C3orf20: variants seen among roughly 807,000 people sequenced by gnomAD.
C3orf20 encodes family with sequence similarity 149 member C, also known as uncharacterized protein C3orf20.
C3orf20 carries 76 observed loss-of-function variants against 88.3 expected under a neutral mutation model. The ratio of observed to expected loss-of-function variants is 0.86; its 90% CI spans 0.72 to 1.04. The LOEUF is 1.04. C3orf20 is among the 50% of genes least tolerant of loss of function. The pLI is 0.00. For missense variants in C3orf20, 1,056 were observed against 1,123.3 expected, an observed-to-expected ratio of 0.94 and a Z score of 0.86; for synonymous variants, 436 against 437.4, an observed-to-expected ratio of 1.00 and a Z score of 0.04.
At chr3:14,766,583 G>A (rs949613220) in intron 15 of C3orf20, among the ~76,000 whole-genome samples, 1 of 152,202 alleles carries the variant, frequency 6.6e-6, no homozygotes. Context: ...GGGGAGGGGG[G>A]TCACACACTA....
intron 9 of C3orf20, among the ~76,000 whole-genome samples, chr3:14,715,799 T>C (rs922904486): frequency 1.3e-5 from 2 of 152,196 alleles, no homozygotes; most frequent in Non-Finnish European, 2.9e-5. Context: ...TCTATATTGG[T>C]CTCCTCCGTT....
chr3:14,684,319 G>C lies in C3orf20; in HGVS notation c.562G>C (p.Ala188Pro), dbSNP rs199529759. Residue 188 changes from alanine (A) to proline (P), a missense_variant, in exon 4 of 17, where the codon GCC becomes CCC. Physicochemically the swap from Ala to Pro is conservative, Grantham distance 27. Coordinates refer to ENST00000253697, the MANE Select transcript of C3orf20 (RefSeq NM_032137.5). ...QLLHLNAKEM[A>P]FNCLISTAGR... ...CCTCCACCTCAATGCCAAGGAGATGGCCTTCAACTGCCTGATCAGCACAGC... is the reference window on the plus strand; with the variant it reads ...CCTCCACCTCAATGCCAAGGAGATGCCCTTCAACTGCCTGATCAGCACAGC... 67 of 1,614,202 alleles carry C rather than the reference G, an allele frequency of 4.2e-5. 1 individual carries two copies. In the East Asian group the frequency reaches 1.4e-3, roughly 33 times the overall value.
At chr3:14,728,747 AG>A (rs1225022028) in intron 12 of C3orf20, 59 bp downstream of exon 12, 1 of 1,570,750 alleles carries the variant, frequency 6.4e-7, no homozygotes, top group East Asian at 2.3e-5. Context: ...CAGTGGGCAC[AG>A]GATAGTGAAC....
At position 14,682,800 on chromosome 3, in the gene C3orf20, C is replaced by T; in HGVS notation, c.87C>T (p.Leu29=). ...PKLLARISKL[L]MICQNAGISV... is the part of the protein sequence containing the mutation. Reference sequence around the variant, plus strand: ...TACTGGCCCGCATCTCCAAACTCCTCATGATCTGCCAGAATGCAGGCATTT... The same window carrying T: ...TACTGGCCCGCATCTCCAAACTCCTTATGATCTGCCAGAATGCAGGCATTT... Residue 29 remains leucine, a synonymous_variant, in exon 3 of 17, where the codon CTC becomes CTT. Coordinates refer to ENST00000253697, the MANE Select transcript of C3orf20 (RefSeq NM_032137.5). 2 of 1,614,170 alleles carry T rather than the reference C, an allele frequency of 1.2e-6. No individual in the cohort carries two copies. The highest frequency in any genetic ancestry group is 1.7e-6 in the Non-Finnish European group (2 of 1,180,038).
intron 4 of C3orf20, among the ~76,000 whole-genome samples, chr3:14,687,036 A>G (rs2032467723): frequency 6.6e-6 from 1 of 152,252 alleles, no homozygotes; most frequent in South Asian, 2.1e-4. Context: ...AATGCCCCTG[A>G]TGCCTGATGC....
At chr3:14,714,632 C>G (rs534980390) in intron 8 of C3orf20, among the ~76,000 whole-genome samples, 2 of 152,230 alleles carry the variant, frequency 1.3e-5, no homozygotes, top group South Asian at 2.1e-4. Context: ...GGGTCTTGCT[C>G]TCACTCTGTC....
intron 7 of C3orf20, among the ~76,000 whole-genome samples, chr3:14,712,182 G>A (rs9816101): frequency 0.017 from 383 of 22,432 alleles, 1 homozygote; most frequent in African/African-American, 0.028. Flanking sequence ...ACGCGCGCGC[G>A]CACACACACA....
intron 12 of C3orf20, among the ~76,000 whole-genome samples, chr3:14,755,300 T>C (rs2035331339): frequency 6.6e-6 from 1 of 152,202 alleles, no homozygotes; most frequent in South Asian, 2.1e-4. Flanking sequence ...TTTCATGTAG[T>C]TGACTTTATC....
intron 7 of C3orf20, among the ~76,000 whole-genome samples, chr3:14,712,958 T>C (rs1486084399): frequency 1.3e-5 from 2 of 152,126 alleles, no homozygotes; most frequent in Non-Finnish European, 2.9e-5. Context: ...TCCTTCGAGG[T>C]CTTTAGATAT....
At chr3:14,748,795 C>G (rs2035133465) in intron 12 of C3orf20, among the ~76,000 whole-genome samples, 1 of 152,116 alleles carries the variant, frequency 6.6e-6, no homozygotes, top group Non-Finnish European at 1.5e-5. Flanking sequence ...AATTTCATAT[C>G]ATTGTGCTTG....
At position 14,710,201 on chromosome 3, in the gene C3orf20, G is replaced by A. The variant is rs1301018772; in HGVS notation, c.1161-3806G>A. Among the ~76,000 whole-genome samples, 5 of 149,926 alleles carry A rather than the reference G, an allele frequency of 3.3e-5. No individual in the cohort carries two copies. The South Asian group carries it at 8.4e-4, about 25-fold the overall frequency. ...TCTTAGGATTTTTTTTTTTATTTCTGTAAGGTCCCATTTTCATTTCTGATT... is the reference window on the plus strand; with the variant it reads ...TCTTAGGATTTTTTTTTTTATTTCTATAAGGTCCCATTTTCATTTCTGATT... On this transcript the variant is annotated intron_variant, in intron 7 of 16. Transcript: ENST00000253697.
intron 7 of C3orf20, among the ~76,000 whole-genome samples, chr3:14,711,627 C>CTTTTTTTTTTTTTT (rs35966332): frequency 1.4e-5 from 1 of 72,588 alleles, no homozygotes; most frequent in Non-Finnish European, 2.7e-5. Flanking sequence ...ATCCTGCCAG[C>CTTTTTTTTTTTTTT]TTTTTTTTTT....
At chr3:14,703,755 C>T (rs1320033313) in intron 6 of C3orf20, among the ~76,000 whole-genome samples, 1 of 152,208 alleles carries the variant, frequency 6.6e-6, no homozygotes, top group African/African-American at 2.4e-5. Flanking sequence ...AGACAAAAAC[C>T]TCTCAAAACA....
At chr3:14,760,302 T>C (rs1353070105) in intron 14 of C3orf20, among the ~76,000 whole-genome samples, 1 of 152,204 alleles carries the variant, frequency 6.6e-6, no homozygotes, top group Non-Finnish European at 1.5e-5. Flanking sequence ...AATGGCTTTA[T>C]CCTAAAAACA....
At chr3:14,756,028 C>CAAAA (rs56242160) in intron 12 of C3orf20, among the ~76,000 whole-genome samples, 7 of 72,724 alleles carry the variant, frequency 9.6e-5, no homozygotes, top group African/African-American at 3.0e-4. Flanking sequence ...GACTCCATCT[C>CAAAA]AAAAAAAAAA....
intron 12 of C3orf20, among the ~76,000 whole-genome samples, chr3:14,751,217 A>G (rs886403417): frequency 1.3e-5 from 2 of 152,114 alleles, no homozygotes; most frequent in African/African-American, 4.8e-5. Context: ...TTGTTTTTCC[A>G]TGGTTTCCTT....
chr3:14,766,384 C>T (rs2125043912), intron 15 of C3orf20, among the ~76,000 whole-genome samples: 1 of 152,318 alleles, frequency 6.6e-6, no homozygotes, highest in South Asian at 2.1e-4. Flanking sequence ...ACTGAGGGAG[C>T]TCTGACACCT....
chr3:14,686,330 C>T (rs1368983173), intron 4 of C3orf20, among the ~76,000 whole-genome samples: 2 of 152,100 alleles, frequency 1.3e-5, no homozygotes, highest in Admixed American at 1.3e-4. Flanking sequence ...ATACTGATTT[C>T]TTTTCTTTGG....
intron 5 of C3orf20, among the ~76,000 whole-genome samples, chr3:14,702,661 G>A (rs1466014658): frequency 1.3e-5 from 2 of 151,920 alleles, no homozygotes; most frequent in African/African-American, 2.4e-5. Flanking sequence ...GGCTTGTCTC[G>A]AACTCCTGAC....
Sources: gnomAD v4.1 joint callset for allele counts (sites outside exome capture counted in the v4.1 genomes callset) on GRCh38, gnomAD v4.1.1 for gene constraint, MANE v1.5 for transcripts, NCBI Gene and HGNC (gene_info 2026-07-23, HGNC 2026-07-21) for gene names.